Variants in SLC35F1 observed in about 807,000 individuals in gnomAD.
SLC35F1 encodes the protein solute carrier family 35 member F1.
In SLC35F1, 14 loss-of-function variants were observed where a neutral mutation model predicts 48.7. The observed-to-expected ratio is 0.29, with a 90% confidence interval of 0.19 to 0.45. SLC35F1 has a LOEUF of 0.45. Ranked by LOEUF, SLC35F1 falls within the 20% of genes least tolerant of loss-of-function variation. The pLI is 1.00. For synonymous variants in SLC35F1, 190 were observed against 202.2 expected (o/e 0.94, Z 0.51); for missense variants, 404 against 500.0 (o/e 0.81, Z 1.83).
At chr6:118,136,255 T>C (rs995036495) in intron 1 of SLC35F1, among the ~76,000 whole-genome samples, 7 of 152,232 alleles carry the variant, frequency 4.6e-5, no homozygotes, top group African/African-American at 1.7e-4. Flanking sequence ...TCTCTACCCT[T>C]GTCTTCCATG....
At chr6:118,012,130 A>G (rs184420675) in intron 1 of SLC35F1, among the ~76,000 whole-genome samples, 2 of 152,222 alleles carry the variant, frequency 1.3e-5, no homozygotes, top group East Asian at 3.9e-4. Context: ...ATTAATGACC[A>G]AGATGGAGAG....
At chr6:118,097,118 C>G (rs552548754) in intron 1 of SLC35F1, among the ~76,000 whole-genome samples, 2 of 152,278 alleles carry the variant, frequency 1.3e-5, no homozygotes, top group East Asian at 3.9e-4. Flanking sequence ...TATCATTCCC[C>G]TCTTCAGAAT....
At chr6:118,068,166 C>T (rs1233669184) in intron 1 of SLC35F1, among the ~76,000 whole-genome samples, 1 of 152,032 alleles carries the variant, frequency 6.6e-6, no homozygotes, top group Admixed American at 6.6e-5. Flanking sequence ...GGATGGTGCC[C>T]GCCCACAGTG....
chr6:118,166,416 A>G (rs1774318957), intron 2 of SLC35F1, among the ~76,000 whole-genome samples: 2 of 152,192 alleles, frequency 1.3e-5, no homozygotes, highest in South Asian at 4.1e-4. Flanking sequence ...GTAGATTTCA[A>G]CGTTTGGCTT....
intron 2 of SLC35F1, among the ~76,000 whole-genome samples, chr6:118,201,455 G>C (rs1292095206): frequency 6.6e-6 from 1 of 152,194 alleles, no homozygotes; most frequent in Non-Finnish European, 1.5e-5. Context: ...CATTTAGATA[G>C]ATTGTTCCTT....
chr6:118,194,581 C>T (rs1017688865), intron 2 of SLC35F1, among the ~76,000 whole-genome samples: 1 of 152,096 alleles, frequency 6.6e-6, no homozygotes, highest in African/African-American at 2.4e-5. Context: ...CTAAGGTACC[C>T]CTCTTTATGA....
At chr6:118,085,238 T>C (rs1292901103) in intron 1 of SLC35F1, among the ~76,000 whole-genome samples, 1 of 151,906 alleles carries the variant, frequency 6.6e-6, no homozygotes, top group African/African-American at 2.4e-5. Context: ...TGTCTAGGAG[T>C]CTCCTCAACA....
At chr6:118,242,666 T>C (rs894396873) in intron 3 of SLC35F1, among the ~76,000 whole-genome samples, 2 of 152,252 alleles carry the variant, frequency 1.3e-5, no homozygotes, top group Non-Finnish European at 2.9e-5. Flanking sequence ...CTGTGCTATA[T>C]GAACCATTAC....
chr6:118,217,003 A>T (rs1775084510), intron 2 of SLC35F1, among the ~76,000 whole-genome samples: 1 of 152,140 alleles, frequency 6.6e-6, no homozygotes, highest in African/African-American at 2.4e-5. Flanking sequence ...GATTCAGAAG[A>T]GCCTGTGTGG....
At chr6:118,036,862 G>A (rs1156679023) in intron 1 of SLC35F1, among the ~76,000 whole-genome samples, 1 of 152,110 alleles carries the variant, frequency 6.6e-6, no homozygotes, top group Non-Finnish European at 1.5e-5. Flanking sequence ...TGGCAGGGCT[G>A]GATTATTAAA....
chr6:118,032,359 G>A (rs910209131), intron 1 of SLC35F1, among the ~76,000 whole-genome samples: 1 of 152,114 alleles, frequency 6.6e-6, no homozygotes, highest in Non-Finnish European at 1.5e-5. Flanking sequence ...TATTAATTTA[G>A]TTAGTGTATT....
intron 1 of SLC35F1, among the ~76,000 whole-genome samples, chr6:118,120,079 C>G (rs1384997626): frequency 6.6e-6 from 1 of 152,192 alleles, no homozygotes; most frequent in African/African-American, 2.4e-5. Context: ...CCACCTTCTA[C>G]AGTGCCTGGC....
At chr6:117,981,072 G>T (rs886239192) in intron 1 of SLC35F1, among the ~76,000 whole-genome samples, 1 of 152,186 alleles carries the variant, frequency 6.6e-6, no homozygotes, top group Non-Finnish European at 1.5e-5. Flanking sequence ...GAAAGCTTTG[G>T]TTGTAGGGCA....
In SLC35F1 at chr6:118,314,381, C is replaced by T; in HGVS notation, c.*129C>T. On this transcript the variant is annotated 3_prime_UTR_variant, in exon 8 of 8. Transcript: ENST00000360388. ...CAGGTGGACTGCAAGGTAGCAAATC[C>T]TCCAAAAGCTTGTGAAAGGAACAAG... is the stretch of plus-strand genomic sequence containing the variant. 1 of 765,898 alleles carries T rather than the reference C, an allele frequency of 1.3e-6. No homozygotes were observed. Among genetic ancestry groups the T allele is most frequent in the Non-Finnish European group, 2.1e-6 (1 of 471,958 alleles). The allele number at this position is 765,898 out of a possible 1,614,324, so 47.4% of individuals were successfully genotyped here.
At chr6:118,026,656 A>G (rs1203857571) in intron 1 of SLC35F1, among the ~76,000 whole-genome samples, 1 of 152,132 alleles carries the variant, frequency 6.6e-6, no homozygotes, top group Non-Finnish European at 1.5e-5. Context: ...TTATTATTCA[A>G]AGGATTTTAA....
intron 2 of SLC35F1, among the ~76,000 whole-genome samples, chr6:118,172,260 T>G (rs1236661265): frequency 6.6e-6 from 1 of 152,130 alleles, no homozygotes; most frequent in Non-Finnish European, 1.5e-5. Context: ...CATGGTAGGT[T>G]TACTGGTGTT....
chr6:118,138,324 T>A (rs1295284731), intron 1 of SLC35F1, among the ~76,000 whole-genome samples: 1 of 149,958 alleles, frequency 6.7e-6, no homozygotes, highest in East Asian at 1.9e-4. Context: ...AAAAAAAAAT[T>A]AAAAACCTTA....
In SLC35F1 at chr6:118,314,478, TCA is replaced by T; in HGVS notation, c.*229_*230del. On this transcript the variant is annotated 3_prime_UTR_variant, in exon 8 of 8. Transcript: ENST00000360388. ...GATGCCTAGCTAACGTGTATCCTGATCACAACTCCCCTGCATTCATTACTGTG... is the reference window on the plus strand; with the variant it reads ...GATGCCTAGCTAACGTGTATCCTGATCAACTCCCCTGCATTCATTACTGTG... The T allele has an allele frequency of 1.8e-6, 1 of 559,820 alleles. No homozygotes were observed. Among genetic ancestry groups the T allele is most frequent in the South Asian group, 2.4e-5 (1 of 41,860 alleles). 34.7% of individuals were successfully genotyped at this position (559,820 alleles called of 1,614,324 possible).
intron 7 of SLC35F1, among the ~76,000 whole-genome samples, chr6:118,299,220 C>T (rs1776228632): frequency 6.6e-6 from 1 of 152,134 alleles, no homozygotes; most frequent in African/African-American, 2.4e-5. Context: ...GGCATAGTCG[C>T]ATGCATACTT....
Sources: allele counts gnomAD v4.1 joint callset (sites outside exome capture counted in the v4.1 genomes callset), GRCh38; gene constraint gnomAD v4.1.1; transcripts MANE v1.5; gene names NCBI Gene and HGNC (gene_info 2026-07-23, HGNC 2026-07-21).